The following SFMBT1 variants were observed in gnomAD, a reference collection of about 807,000 sequenced individuals.
SFMBT1 encodes the protein scm-like with four MBT domains protein 1.
A neutral mutation model predicts 108.7 loss-of-function variants in SFMBT1; 32 were observed. The observed-to-expected ratio is 0.29, with a 90% CI of 0.22 to 0.40. The LOEUF is 0.40. SFMBT1 is among the 10% of genes least tolerant of loss of function. SFMBT1 has a pLI of 1.00. For synonymous variants in SFMBT1, 348 were observed against 369.5 expected (o/e 0.94, Z 0.67); for missense variants, 816 against 1,059.6 (o/e 0.77, Z 3.19).
intron 1 of SFMBT1, among the ~76,000 whole-genome samples, chr3:53,031,112 C>T (rs1267916884): frequency 6.6e-6 from 1 of 152,162 alleles, no homozygotes; most frequent in Non-Finnish European, 1.5e-5. Context: ...GATCCCAACT[C>T]CTCATATAGA....
At chr3:53,033,796 G>A (rs1004490931) in intron 1 of SFMBT1, among the ~76,000 whole-genome samples, 5 of 150,462 alleles carry the variant, frequency 3.3e-5, no homozygotes, top group African/African-American at 4.9e-5. Context: ...TCACCCTGGC[G>A]CAGTGGCTCA....
At chr3:52,932,409 A>C (rs1575382965) in intron 5 of SFMBT1, 101 bp from the exon 6 acceptor site, 6 of 1,241,834 alleles carry the variant, frequency 4.8e-6, no homozygotes, top group Non-Finnish European at 6.6e-6. Context: ...TGTATTTTTT[A>C]CCCATTCAAA....
chr3:52,943,667 A>G, intron 3 of SFMBT1, 74 bp from the exon 4 acceptor site: 1 of 1,586,930 alleles, frequency 6.3e-7, no homozygotes, highest in Non-Finnish European at 8.6e-7. Context: ...GTTCTTTTTT[A>G]AGACTTACAA....
Position 52,932,301 on chromosome 3 carries a change from T to C in SFMBT1, c.461A>G (p.Asn154Ser), listed in dbSNP as rs146679648. 82 of 1,613,344 alleles carry C rather than the reference T, an allele frequency of 5.1e-5. No homozygotes were observed. The highest frequency in any genetic ancestry group is 6.6e-5 in the Non-Finnish European group (78 of 1,179,822). ...PPVPLLEGLR[N>S]GRNPLDLIAP... Reference sequence around the variant, plus strand: ...AATGAGATCTAAAGGATTCCTCCCATTACGGAGCTGTAGGATTAAAAAGTA... The same window carrying C: ...AATGAGATCTAAAGGATTCCTCCCACTACGGAGCTGTAGGATTAAAAAGTA... The change falls in exon 6 of 21, where the codon AAT becomes AGT. Residue 154 changes from asparagine (N) to serine (S), a missense_variant. Physicochemically the swap from Asn to Ser is conservative, Grantham distance 46. Transcript: ENST00000394752.
At position 52,943,293 on chromosome 3, in the gene SFMBT1, A is replaced by G. The variant is rs1703245987; in HGVS notation, c.364+60T>C. ...GAGACTTAAAACCTCAAGACTGTGGACAATCCAAATTTTCTTACAGTAAAA... is the reference window on the plus strand; with the variant it reads ...GAGACTTAAAACCTCAAGACTGTGGGCAATCCAAATTTTCTTACAGTAAAA... On this transcript the variant is annotated intron_variant, in intron 4 of 20. Coordinates refer to ENST00000394752, the MANE Select transcript of SFMBT1 (RefSeq NM_016329.4). 3.7e-6 allele frequency: 6 copies of G among 1,608,136 alleles called. No homozygotes were observed. In the South Asian group the frequency reaches 6.7e-5, roughly 18 times the overall value.
intron 1 of SFMBT1, among the ~76,000 whole-genome samples, chr3:53,039,651 C>G (rs948246487): frequency 6.6e-6 from 1 of 152,082 alleles, no homozygotes; most frequent in Non-Finnish European, 1.5e-5. Flanking sequence ...CACAACCATA[C>G]GTTTACAGAG....
At chr3:52,971,992 T>C (rs1320084420) in intron 1 of SFMBT1, among the ~76,000 whole-genome samples, 1 of 152,272 alleles carries the variant, frequency 6.6e-6, no homozygotes, top group Non-Finnish European at 1.5e-5. Context: ...GCTGGGGCAC[T>C]GTTTTAAGCA....
chr3:52,944,573 G>A (rs1703295059), intron 3 of SFMBT1, among the ~76,000 whole-genome samples: 2 of 152,122 alleles, frequency 1.3e-5, no homozygotes, highest in Admixed American at 1.3e-4. Flanking sequence ...AGGCTGGAGT[G>A]CAATGGCGTG....
chr3:52,936,735 G>A (rs546222443), intron 4 of SFMBT1, among the ~76,000 whole-genome samples: 7 of 152,124 alleles, frequency 4.6e-5, no homozygotes, highest in Admixed American at 3.3e-4. Flanking sequence ...AGTGTTTCTC[G>A]GCCTTTTCAG....
intron 2 of SFMBT1, among the ~76,000 whole-genome samples, chr3:52,962,531 C>T (rs1389116579): frequency 6.6e-6 from 1 of 151,846 alleles, no homozygotes; most frequent in Non-Finnish European, 1.5e-5. Context: ...AGAGGCCAGG[C>T]GCAGTGGCTC....
At chr3:52,979,534 AC>A (rs1424065282) in intron 1 of SFMBT1, among the ~76,000 whole-genome samples, 1 of 152,200 alleles carries the variant, frequency 6.6e-6, no homozygotes, top group Non-Finnish European at 1.5e-5. Context: ...TAAAAGTGGT[AC>A]GTCCCTTCCA....
In SFMBT1 at chr3:52,958,331, C is replaced by T. The variant is rs184797056; in HGVS notation, c.29-3920G>A. Among the ~76,000 whole-genome samples, 12 of 152,320 alleles carry T rather than the reference C, an allele frequency of 7.9e-5. 1 individual carries two copies. The highest frequency in any genetic ancestry group is 1.9e-4 in the African/African-American group (8 of 41,578). ...ACAGGCTGGGCAGGGTGGCTCATGC[C>T]TGTAATCCCAGCACTTTGGGAGGCC... On this transcript the variant is annotated intron_variant, in intron 2 of 20. Coordinates refer to ENST00000394752, the MANE Select transcript of SFMBT1 (RefSeq NM_016329.4).
intron 2 of SFMBT1, among the ~76,000 whole-genome samples, chr3:52,961,747 G>T (rs570068707): frequency 6.6e-6 from 1 of 152,282 alleles, no homozygotes; most frequent in East Asian, 1.9e-4. Context: ...CAATAATAAA[G>T]ACAGCTTTGA....
chr3:52,973,585 A>G (rs916901321), intron 1 of SFMBT1, among the ~76,000 whole-genome samples: 7 of 152,218 alleles, frequency 4.6e-5, no homozygotes, highest in Non-Finnish European at 8.8e-5. Context: ...GAAAGACCTA[A>G]AAGTCATCTG....
At chr3:53,030,664 C>T (rs1281951605) in intron 1 of SFMBT1, among the ~76,000 whole-genome samples, 3 of 111,878 alleles carry the variant, frequency 2.7e-5, no homozygotes, top group Non-Finnish European at 5.2e-5. Context: ...ATTACAGTAA[C>T]TTTCAACTGG....
intron 1 of SFMBT1, among the ~76,000 whole-genome samples, chr3:53,021,102 G>A (rs1699291266): frequency 6.6e-6 from 1 of 152,170 alleles, no homozygotes; most frequent in Non-Finnish European, 1.5e-5. Flanking sequence ...TGGCTACGTT[G>A]AGCCTAACAG....
At chr3:52,934,226 T>C (rs116594819) in intron 5 of SFMBT1, among the ~76,000 whole-genome samples, 204 of 152,284 alleles carry the variant, frequency 1.3e-3, no homozygotes, top group Non-Finnish European at 2.5e-3. Flanking sequence ...CCTTCATACA[T>C]TGCATTTCAC....
At chr3:52,979,361 A>C (rs140322542) in intron 1 of SFMBT1, among the ~76,000 whole-genome samples, 36 of 152,312 alleles carry the variant, frequency 2.4e-4, no homozygotes, top group African/African-American at 7.7e-4. Context: ...TCCCACTCAG[A>C]TGAAGTCCAA....
At chr3:52,993,869 T>C (rs1698223350) in intron 1 of SFMBT1, among the ~76,000 whole-genome samples, 1 of 150,172 alleles carries the variant, frequency 6.7e-6, no homozygotes, top group African/African-American at 2.4e-5. Flanking sequence ...GACAGAAGCA[T>C]CGTAAGTCAA....
Sources: gnomAD v4.1 joint callset for allele counts (sites outside exome capture counted in the v4.1 genomes callset) on GRCh38, gnomAD v4.1.1 for gene constraint, MANE v1.5 for transcripts, NCBI Gene and HGNC (gene_info 2026-07-23, HGNC 2026-07-21) for gene names.